The following TTN variants were observed in gnomAD, a reference collection of about 807,000 sequenced individuals.
The protein encoded by TTN is titin.
TTN carries 1,525 observed loss-of-function variants against 3,223.0 expected under a neutral mutation model. The ratio of observed to expected loss-of-function variants is 0.47; its 90% CI spans 0.45 to 0.49. TTN has a LOEUF of 0.49. TTN is among the 20% of genes least tolerant of loss of function. The pLI is 0.00. For synonymous variants in TTN, 14,094 were observed against 15,161.0 expected (o/e 0.93, Z 5.17); for missense variants, 40,786 against 43,424.0 (o/e 0.94, Z 5.40).
At position 178,601,116 on chromosome 2, in the gene TTN, C is replaced by T. The variant is rs769822399; in HGVS notation, c.55788G>A (p.Val18596=). 1.0e-5 allele frequency: 16 copies of T among 1,581,384 alleles called. No homozygotes were observed. The South Asian group carries it at 1.5e-4, about 15-fold the overall frequency. The part of the protein sequence containing the change: ...LKIGLITKNT[V]HLSWKPPKND... The stretch of plus-strand genomic sequence containing the variant: ...TCTTCGGGGGTTTCCATGACAGATG[C>T]ACTGTGTTCTTTGTGATGAGGCCAA... Residue 18596 remains valine, a synonymous_variant, in exon 288 of 363, where the codon GTG becomes GTA. Transcript: ENST00000589042.
rs1350296202 is a variant in TTN, at chr2:178,588,340, T to C, written c.63188-121A>G. 3.4e-6 allele frequency: 4 copies of C among 1,166,564 alleles called. No individual in the cohort carries two copies. In the African/African-American group the frequency reaches 6.2e-5, roughly 18 times the overall value. The allele number at this position is 1,166,564 out of a possible 1,614,324, so 72.3% of individuals were successfully genotyped here. A position where few individuals can be genotyped will look rare whatever the true frequency, so the allele number is the denominator to read the frequency against. On this transcript the variant is annotated intron_variant, in intron 304 of 362. Transcript: ENST00000589042. Reference sequence around the variant, plus strand: ...CCAATTTTTCAATTAGTGTCCTCTTTATTTTCCTTCATAAAAATGAGAATC... The same window carrying C: ...CCAATTTTTCAATTAGTGTCCTCTTCATTTTCCTTCATAAAAATGAGAATC...
In TTN at chr2:178,572,586, C is replaced by T. The variant is rs72646897; in HGVS notation, c.73546G>A (p.Val24516Ile). Residue 24516 changes from valine to isoleucine, a missense_variant, in exon 326 of 363, where the codon GTT becomes ATT. Physicochemically the swap from Val to Ile is conservative, Grantham distance 29. Coordinates refer to ENST00000589042, the MANE Select transcript of TTN (RefSeq NM_001267550.2). ...TGTGGGGGGCCTGGTGTATCGAGAACTCTAACATTGACAAATGCAGACTTG... is the reference window on the plus strand; with the variant it reads ...TGTGGGGGGCCTGGTGTATCGAGAATTCTAACATTGACAAATGCAGACTTG... ...GSKSAFVNVRVLDTPGPPQDL... is the reference protein window; with the variant it reads ...GSKSAFVNVRILDTPGPPQDL... The T allele has an allele frequency of 5.0e-6, 8 of 1,613,342 alleles. No individual in the cohort carries two copies. In the African/African-American group the frequency reaches 9.3e-5, roughly 19 times the overall value.
rs144032104 is a variant in TTN, at chr2:178,720,250, C to T, written c.23392G>A (p.Val7798Met). Residue 7798 changes from valine (V) to methionine (M), a missense_variant, in exon 81 of 363, where the codon GTG (valine) becomes ATG (methionine). Physicochemically the swap from Val to Met is conservative, Grantham distance 21. Coordinates refer to ENST00000589042, the MANE Select transcript of TTN (RefSeq NM_001267550.2). ...SVKFKEPPRFVKKLSDTSTLI... is the reference protein window; with the variant it reads ...SVKFKEPPRFMKKLSDTSTLI... ...GTTGAGGTGTCACTTAGCTTTTTCA[C>T]GAATCGTGGAGGTTCTGATGAAAGA... The T allele has an allele frequency of 1.9e-5, 31 of 1,609,750 alleles. No individual in the cohort carries two copies. Among genetic ancestry groups the T allele is most frequent in the South Asian group, 6.6e-5 (6 of 90,492 alleles).
At position 178,665,469 on chromosome 2, in the gene TTN, A is replaced by G. The variant is rs779718113; in HGVS notation, c.35960-9T>C. The G allele has an allele frequency of 6.2e-7, 1 of 1,611,612 alleles. No individual in the cohort carries two copies. The highest frequency in any genetic ancestry group is 1.7e-5 in the Admixed American group (1 of 59,986). ...TTTCATAGCTTCTGGTGCTTTGAAG[A>G]TATTAGTATTATGGTTAGAGGTTAA... On this transcript the variant is annotated splice_polypyrimidine_tract_variant and intron_variant, in intron 164 of 362. Coordinates refer to ENST00000589042, the MANE Select transcript of TTN (RefSeq NM_001267550.2).
At chr2:178,790,141 A>T (rs375984994) in intron 11 of TTN, 26 bp from the exon 12 acceptor site, 76 of 1,604,900 alleles carry the variant, frequency 4.7e-5, no homozygotes, top group Non-Finnish European at 6.3e-5. Flanking sequence ...AAAGTAAGAA[A>T]ATAGTCATTA....
Position 178,804,665 on chromosome 2 carries a change from A to G in TTN, c.-13-10T>C. ...CATCTTTCTAGGCACTCTGAAAAAG[A>G]AGAGAAAATAAATTAGGGTGTCCCA... On this transcript the variant is annotated splice_polypyrimidine_tract_variant and intron_variant, in intron 1 of 362. Coordinates refer to ENST00000589042, the MANE Select transcript of TTN (RefSeq NM_001267550.2). The G allele has an allele frequency of 6.2e-7, 1 of 1,612,612 alleles. No individual in the cohort carries two copies. Among genetic ancestry groups the G allele is most frequent in the Non-Finnish European group, 8.5e-7 (1 of 1,179,248 alleles).
Position 178,796,646 on chromosome 2 carries a change from A to G in TTN, c.915-1394T>C, listed in dbSNP as rs935281852. 6.9e-4 allele frequency among the ~76,000 whole-genome samples: 105 copies of G among 152,202 alleles called. 3 individuals are homozygous for G. Among genetic ancestry groups the G allele is most frequent in the Non-Finnish European group, 4.4e-5 (3 of 68,014 alleles). On this transcript the variant is annotated intron_variant, in intron 6 of 362. Coordinates refer to ENST00000589042, the MANE Select transcript of TTN (RefSeq NM_001267550.2). ...AATAATGTGTGGTTTCCACTAACTG[A>G]AGAAAAGCAAAGAGACATGTGCTTT... is the stretch of plus-strand genomic sequence containing the variant.
At position 178,609,947 on chromosome 2, in the gene TTN, G is replaced by A; in HGVS notation, c.51476C>T (p.Pro17159Leu). ...DPPVDVEVHN[P>L]TAEAMTITWK... ...TGTAATAGTCATTGCCTCCGCTGTA[G>A]GATTATGAACCTCTACATCTACAGG... Residue 17159 changes from proline (P) to leucine (L), a missense_variant, in exon 272 of 363, where the codon CCT becomes CTT. Pro to Leu is a moderately conservative substitution (Grantham distance 98). Transcript: ENST00000589042. 1.2e-6 allele frequency: 2 copies of A among 1,612,708 alleles called. No homozygotes were observed. The highest frequency in any genetic ancestry group is 1.7e-6 in the Non-Finnish European group (2 of 1,179,184).
At chr2:178,695,254 A>G (rs1577548595) in intron 115 of TTN, 94 bp downstream of exon 115, 8 of 899,836 alleles carry the variant, frequency 8.9e-6, no homozygotes, top group Non-Finnish European at 1.2e-5. Context: ...AGTTGTGCCT[A>G]TTGGATTGAA....
Position 178,777,060 on chromosome 2 carries a change from T to C in TTN, c.4815-11A>G, listed in dbSNP as rs1420008705. 1 of 1,613,848 alleles carries C rather than the reference T, an allele frequency of 6.2e-7. No homozygotes were observed. Among genetic ancestry groups the C allele is most frequent in the Admixed American group, 1.7e-5 (1 of 59,978 alleles). Reference sequence around the variant, plus strand: ...TTGGTTCCTTCAATTCTATAAAAAGTTGGGGGAGGGAATAATCAATATAGT... The same window carrying C: ...TTGGTTCCTTCAATTCTATAAAAAGCTGGGGGAGGGAATAATCAATATAGT... On this transcript the variant is annotated splice_polypyrimidine_tract_variant and intron_variant, in intron 27 of 362. Coordinates refer to ENST00000589042, the MANE Select transcript of TTN (RefSeq NM_001267550.2).
chr2:178,614,147 G>C lies in TTN; in HGVS notation c.49250C>G (p.Pro16417Arg), dbSNP rs1387631926. 6.2e-7 allele frequency: 1 copy of C among 1,612,298 alleles called. No homozygotes were observed. The highest frequency in any genetic ancestry group is 1.1e-5 in the South Asian group (1 of 91,020). ...DTNFKATKLI[P>R]NKEYIFRVAA... ...AACTCTGAAGATGTACTCTTTATTG[G>C]GGATTAATTTGGTGGCCTTGAAGTT... Residue 16417 changes from proline (P) to arginine (R), a missense_variant, in exon 262 of 363, where the codon CCC (proline) becomes CGC (arginine). By Grantham distance (103) the Pro-to-Arg change is moderately radical (BLOSUM62 -2). Transcript: ENST00000589042.
At chr2:178,701,070 C>T (rs769593177) in intron 111 of TTN, 50 bp downstream of exon 111, 1 of 1,581,364 alleles carries the variant, frequency 6.3e-7, no homozygotes. Flanking sequence ...TTTTTCGGGT[C>T]AGCAGAGTGA....
At position 178,740,179 on chromosome 2, in the gene TTN, G is replaced by A. The variant is rs756368092; in HGVS notation, c.13054C>T (p.Pro4352Ser). The A allele has an allele frequency of 6.2e-7, 1 of 1,613,388 alleles. No individual in the cohort carries two copies. ...KEEHSDNVVMPPDQIIESKRE... is the reference protein window; with the variant it reads ...KEEHSDNVVMSPDQIIESKRE... ...TTAGACTCAATGATTTGGTCTGGGG[G>A]CATCACCACGTTGTCAGAATGCTCT... Residue 4352 changes from proline to serine, a missense_variant, in exon 48 of 363, where the codon CCC (proline) becomes TCC (serine). Transcript: ENST00000589042.
intron 213 of TTN, 44 bp from the exon 214 acceptor site, chr2:178,647,508 A>T: frequency 6.5e-7 from 1 of 1,534,210 alleles, no homozygotes; most frequent in Non-Finnish European, 8.8e-7. Flanking sequence ...TTTAGAAGAC[A>T]TGCAAGATTG....
At position 178,533,774 on chromosome 2, in the gene TTN, T is replaced by C. The variant is rs758945559; in HGVS notation, c.102841A>G (p.Ile34281Val). ...ACATGAGGCTCTGGGTGGACAGTTA[T>C]AGTTACTCCAAACCGGACATTTTCA... ...VGENVRFGVTITVHPEPHVTW... is the reference protein window; with the variant it reads ...VGENVRFGVTVTVHPEPHVTW... The change falls in exon 358 of 363, where the codon ATA (isoleucine) becomes GTA (valine). Residue 34281 changes from isoleucine (I) to valine (V), a missense_variant. By Grantham distance (29) the Ile-to-Val change is conservative. Transcript: ENST00000589042. The C allele has an allele frequency of 1.9e-6, 3 of 1,613,898 alleles. No individual in the cohort carries two copies. Among genetic ancestry groups the C allele is most frequent in the African/African-American group, 1.3e-5 (1 of 74,934 alleles).
At position 178,534,887 on chromosome 2, in the gene TTN, C is replaced by T. The variant is rs943777958; in HGVS notation, c.101728G>A (p.Glu33910Lys). 2.3e-5 allele frequency: 37 copies of T among 1,608,844 alleles called. No individual in the cohort carries two copies. Among genetic ancestry groups the T allele is most frequent in the Non-Finnish European group, 3.1e-5 (36 of 1,179,810 alleles). The change falls in exon 358 of 363, where the codon GAA (glutamate) becomes AAA (lysine). Residue 33910 changes from glutamate (E) to lysine (K), a missense_variant. Physicochemically the swap from Glu to Lys is moderately conservative, Grantham distance 56 (BLOSUM62 1). Coordinates refer to ENST00000589042, the MANE Select transcript of TTN (RefSeq NM_001267550.2). ...CTTACAATTTCTCTTTCATTAAGTT[C>T]AAAAGCACTTGTGTTAATGCGCTCA... The part of the protein sequence containing the change: ...IFERINTSAF[E>K]LNEREIVSYV...
At chr2:178,607,361 C>T (rs181285966) in intron 277 of TTN, 40 bp downstream of exon 277, 1 of 1,612,582 alleles carries the variant, frequency 6.2e-7, no homozygotes, top group African/African-American at 1.3e-5. Flanking sequence ...GATAGTATCA[C>T]TTGGGAAAAT....
In TTN at chr2:178,770,397, T is replaced by C; in HGVS notation, c.8380+15A>G. 1 of 1,614,144 alleles carries C rather than the reference T, an allele frequency of 6.2e-7. No homozygotes were observed. ...ATGGGCTGACTGCTTGAAAAGTGTT[T>C]CTAAATCAACTTACTCTCCACGTGC... is the stretch of plus-strand genomic sequence containing the variant. On this transcript the variant is annotated intron_variant, in intron 35 of 362. Coordinates refer to ENST00000589042, the MANE Select transcript of TTN (RefSeq NM_001267550.2).
Position 178,580,309 on chromosome 2 carries a change from G to T in TTN, c.67057+13C>A. On this transcript the variant is annotated intron_variant, in intron 317 of 362. Transcript: ENST00000589042. ...TTTAAAATATATATGATTCTTTTTT[G>T]AAATAGACTTACCAAGCACTTTCAC... 6.2e-7 allele frequency: 1 copy of T among 1,606,646 alleles called. No homozygotes were observed. Among genetic ancestry groups the T allele is most frequent in the Non-Finnish European group, 8.5e-7 (1 of 1,177,388 alleles).
Sources: allele counts gnomAD v4.1 joint callset (sites outside exome capture counted in the v4.1 genomes callset), GRCh38; gene constraint gnomAD v4.1.1; transcripts MANE v1.5; gene names NCBI Gene and HGNC (gene_info 2026-07-23, HGNC 2026-07-21).